The following RPS24 variants were observed in gnomAD, a reference collection of about 807,000 sequenced individuals.
RPS24 encodes small ribosomal subunit protein eS24.
For missense variants in RPS24, 100 were observed against 162.5 expected (o/e 0.62, Z 2.09); for synonymous variants, 72 against 55.6 (o/e 1.30, Z -1.31).
chr10:78,037,902 C>CTTT (rs55902139), intron 4 of RPS24: 907 of 379,564 alleles, frequency 2.4e-3, no homozygotes, highest in South Asian at 4.6e-3. Flanking sequence ...GTTCTGTGAA[C>CTTT]TTTTTTTTTT....
downstream of RPS24, chr10:78,040,702 T>C (rs896157894): frequency 2.5e-6 from 4 of 1,609,806 alleles, no homozygotes; most frequent in African/African-American, 5.3e-5. Flanking sequence ...ACTTCATGTG[T>C]CTGGTTGTTT....
downstream of RPS24, among the ~76,000 whole-genome samples, chr10:78,043,342 C>T (rs183525494): frequency 6.6e-6 from 1 of 152,284 alleles, no homozygotes; most frequent in East Asian, 1.9e-4. Flanking sequence ...TCTTCCTGGA[C>T]CCACGCTGGA....
At chr10:78,045,378 T>C (rs111625232), downstream of RPS24, among the ~76,000 whole-genome samples, 78 of 152,314 alleles carry the variant, frequency 5.1e-4, 2 homozygotes, top group African/African-American at 1.7e-3. Context: ...GCTGGGGCCA[T>C]GGATGGGCAA....
intron 4 of RPS24, chr10:78,038,692 G>T (rs1564629829): frequency 6.6e-6 from 1 of 152,066 alleles, no homozygotes; most frequent in East Asian, 1.9e-4. Flanking sequence ...TGTCACCCAG[G>T]CTGGAGTACA....
chr10:78,046,585 C>T (rs754112370), intron 4 of RPS24, among the ~76,000 whole-genome samples: 13 of 151,992 alleles, frequency 8.6e-5, no homozygotes, highest in Non-Finnish European at 1.5e-4. Flanking sequence ...GAACTCCAGA[C>T]CTCAGGTGAC....
At chr10:78,039,757 C>A in intron 4 of RPS24, 1 of 180,478 alleles carries the variant, frequency 5.5e-6, no homozygotes, top group Non-Finnish European at 1.2e-5. Flanking sequence ...TTTTAAAAGA[C>A]TTGCCTGATC....
At chr10:78,045,937 GGTTGCA>G (rs1564631851) in intron 4 of RPS24, among the ~76,000 whole-genome samples, 1 of 152,086 alleles carries the variant, frequency 6.6e-6, no homozygotes, top group African/African-American at 2.4e-5. Flanking sequence ...AGGAGGCGGA[GGTTGCA>G]GTGAGCCGAG....
At chr10:78,048,381 C>T (rs1488849690) in intron 4 of RPS24, among the ~76,000 whole-genome samples, 1 of 151,904 alleles carries the variant, frequency 6.6e-6, no homozygotes, top group East Asian at 1.9e-4. Flanking sequence ...GCATTCACCT[C>T]GTTAATCCAG....
At chr10:78,046,599 C>T (rs547962873) in intron 4 of RPS24, among the ~76,000 whole-genome samples, 71 of 152,222 alleles carry the variant, frequency 4.7e-4, no homozygotes, top group Middle Eastern at 6.8e-3. Context: ...AGGTGACCCA[C>T]CTGCCTCAGC....
intron 4 of RPS24, among the ~76,000 whole-genome samples, chr10:78,052,151 G>A (rs1474551286): frequency 6.6e-6 from 1 of 151,994 alleles, no homozygotes; most frequent in Non-Finnish European, 1.5e-5. Context: ...TCAGCCTCCT[G>A]AGTAGCTGGG....
At chr10:78,036,672 T>C (rs955593275) in intron 3 of RPS24, 1 of 159,212 alleles carries the variant, frequency 6.3e-6, no homozygotes, top group African/African-American at 2.4e-5. Flanking sequence ...ACATTGAAGC[T>C]GAGATCCTTG....
intron 1 of RPS24, 90 bp downstream of exon 1, chr10:78,033,994 A>G: frequency 6.6e-7 from 1 of 1,520,412 alleles, no homozygotes; most frequent in Non-Finnish European, 9.1e-7. Flanking sequence ...TAGGCACGCG[A>G]AGCCCGGTTG....
chr10:78,039,971 G>C, intron 4 of RPS24: 1 of 604,978 alleles, frequency 1.7e-6, no homozygotes, highest in Non-Finnish European at 3.0e-6. Context: ...CGGCTACCTC[G>C]TTTGCATAAG....
exon 5 of RPS24, chr10:78,054,832 G>C: frequency 6.4e-7 from 1 of 1,551,608 alleles, no homozygotes; most frequent in Non-Finnish European, 8.7e-7. Flanking sequence ...GCTCCTGCTG[G>C]TTCTCCCCAC....
chr10:78,037,016 C>G (rs1156749386), intron 3 of RPS24, among the ~76,000 whole-genome samples, 178 bp from the exon 4 acceptor site: 2 of 152,148 alleles, frequency 1.3e-5, no homozygotes. Flanking sequence ...TATTCCATAC[C>G]TAAAATCCCT....
At chr10:78,044,454 A>G (rs1022691680), downstream of RPS24, among the ~76,000 whole-genome samples, 6 of 152,176 alleles carry the variant, frequency 3.9e-5, no homozygotes, top group African/African-American at 9.7e-5. Flanking sequence ...GTTTTGCACA[A>G]TGCATTTCTG....
intron 4 of RPS24, chr10:78,037,902 C>CTTTTTTTTTTTTTTTTTTTTTTTTTT (rs55902139): frequency 7.6e-5 from 29 of 379,916 alleles, no homozygotes; most frequent in South Asian, 2.1e-4. Flanking sequence ...GTTCTGTGAA[C>CTTTTTTTTTTTTTTTTTTTTTTTTTT]TTTTTTTTTT....
At chr10:78,050,273 C>A (rs77960168) in intron 4 of RPS24, among the ~76,000 whole-genome samples, 1 of 152,136 alleles carries the variant, frequency 6.6e-6, no homozygotes, top group African/African-American at 2.4e-5. Flanking sequence ...TTAGTTAGAC[C>A]TGCATCCTCC....
chr10:78,054,607 C>T (rs914531695), exon 5 of RPS24: 47 of 1,551,434 alleles, frequency 3.0e-5, no homozygotes, highest in Non-Finnish European at 3.7e-5. Context: ...GTGAAGAACT[C>T]GAAGGCAAGA....
Sources: gnomAD v4.1 joint callset for allele counts (sites outside exome capture counted in the v4.1 genomes callset) on GRCh38, gnomAD v4.1.1 for gene constraint, MANE v1.5 for transcripts, NCBI Gene and HGNC (gene_info 2026-07-23, HGNC 2026-07-21) for gene names.